Variants in NCAM1 observed in about 807,000 individuals in gnomAD.
NCAM1 encodes antigen recognized by monoclonal antibody 5.1H11.
Under a neutral mutation model 109.8 loss-of-function variants are expected in NCAM1, and 14 were observed. The observed-to-expected ratio is 0.13, with a 90% CI of 0.08 to 0.20. The LOEUF is 0.20. Among genes scored for constraint, NCAM1 ranks in the 10% least tolerant of loss-of-function variants. NCAM1 has a pLI of 1.00. For missense variants in NCAM1, 774 were observed against 1,109.9 expected, an observed-to-expected ratio of 0.70 and a Z score of 4.30; for synonymous variants, 418 against 442.9, an observed-to-expected ratio of 0.94 and a Z score of 0.70.
intron 1 of NCAM1, among the ~76,000 whole-genome samples, chr11:113,173,908 G>C (rs573641413): frequency 6.6e-6 from 1 of 151,862 alleles, no homozygotes; most frequent in African/African-American, 2.4e-5. Context: ...GTTGCTTCTA[G>C]CTAGCTCAAT....
At chr11:113,084,674 C>T (rs1938997665) in intron 1 of NCAM1, among the ~76,000 whole-genome samples, 1 of 152,206 alleles carries the variant, frequency 6.6e-6, no homozygotes, top group African/African-American at 2.4e-5. Flanking sequence ...CACTTGGTGA[C>T]AAGGTTATCC....
intron 1 of NCAM1, among the ~76,000 whole-genome samples, chr11:112,966,294 A>T (rs1281669955): frequency 6.6e-6 from 1 of 152,336 alleles, no homozygotes; most frequent in South Asian, 2.1e-4. Flanking sequence ...CCTTTGGTTA[A>T]AAAGAAAGAA....
intron 1 of NCAM1, among the ~76,000 whole-genome samples, chr11:113,141,578 G>A (rs889953220): frequency 1.3e-5 from 2 of 152,338 alleles, no homozygotes; most frequent in Non-Finnish European, 2.9e-5. Context: ...GAACCCAGGC[G>A]GTGGAGGTTG....
intron 1 of NCAM1, among the ~76,000 whole-genome samples, chr11:113,149,506 G>C (rs1163407984): frequency 6.6e-6 from 1 of 152,170 alleles, no homozygotes; most frequent in Non-Finnish European, 1.5e-5. Flanking sequence ...CAGAAGGGCT[G>C]GTGGCTGAGT....
intron 1 of NCAM1, among the ~76,000 whole-genome samples, chr11:113,178,613 T>C (rs562663809): frequency 6.6e-6 from 1 of 152,196 alleles, no homozygotes; most frequent in African/African-American, 2.4e-5. Flanking sequence ...CAGCCTGGTT[T>C]CTGGCAGATG....
chr11:113,264,377 AG>A (rs1555124016), intron 17 of NCAM1: 1 of 985,260 alleles, frequency 1.0e-6, no homozygotes, highest in Admixed American at 6.1e-5. Flanking sequence ...CTCAGTTTAG[AG>A]GCTCACGTGC....
intron 8 of NCAM1, among the ~76,000 whole-genome samples, chr11:113,220,306 G>T (rs1187183761): frequency 1.3e-5 from 2 of 152,132 alleles, no homozygotes; most frequent in Non-Finnish European, 2.9e-5. Context: ...GGTACATGCT[G>T]GAGTCCACAT....
At chr11:113,001,677 T>G (rs1465521193) in intron 1 of NCAM1, among the ~76,000 whole-genome samples, 4 of 152,168 alleles carry the variant, frequency 2.6e-5, no homozygotes, top group African/African-American at 9.6e-5. Context: ...CATTTGCCAT[T>G]GTAGGCCGAA....
chr11:113,057,299 T>G lies in NCAM1; in HGVS notation c.52+95635T>G, dbSNP rs532743552. 4.4e-4 allele frequency among the ~76,000 whole-genome samples: 66 copies of G among 151,614 alleles called. 1 individual carries two copies. Among genetic ancestry groups the G allele is most frequent in the African/African-American group, 1.5e-3 (61 of 41,320 alleles). On this transcript the variant is annotated intron_variant, in intron 1 of 19. Transcript: ENST00000316851. ...GAGGGGACAACATTGGCAAAGGCAT[T>G]GAGGTTCTGGGAACTGCCAGCAATG...
Position 113,172,919 on chromosome 11 carries a change from C to G in NCAM1, c.53-29460C>G, listed in dbSNP as rs181311526. Among the ~76,000 whole-genome samples, 128 of 152,306 alleles carry G rather than the reference C, an allele frequency of 8.4e-4. 1 individual carries two copies. The highest frequency in any genetic ancestry group is 1.4e-3 in the Admixed American group (21 of 15,302). ...TTTGAAGGCTTAATCTGGGATCGAA[C>G]TGAGATGCAAATGATGTCGAATAGT... On this transcript the variant is annotated intron_variant, in intron 1 of 19. Transcript: ENST00000316851.
At chr11:113,024,318 C>T (rs1394740457) in intron 1 of NCAM1, among the ~76,000 whole-genome samples, 1 of 152,208 alleles carries the variant, frequency 6.6e-6, no homozygotes, top group South Asian at 2.1e-4. Flanking sequence ...AACAGGCAAA[C>T]TTCCATTCCA....
intron 1 of NCAM1, among the ~76,000 whole-genome samples, chr11:112,996,492 T>A (rs1470598713): frequency 1.3e-5 from 2 of 152,230 alleles, no homozygotes; most frequent in Non-Finnish European, 2.9e-5. Flanking sequence ...TAAATTGGCT[T>A]GTTTCTAATT....
chr11:113,199,561 G>A (rs17115119), intron 1 of NCAM1, among the ~76,000 whole-genome samples: 3,680 of 146,940 alleles, frequency 0.025, 88 homozygotes, highest in East Asian at 0.078. Context: ...AAGGCCAGGC[G>A]TCTAAATGGA....
chr11:113,111,595 T>C (rs1432772555), intron 1 of NCAM1, among the ~76,000 whole-genome samples: 2 of 152,216 alleles, frequency 1.3e-5, no homozygotes, highest in Admixed American at 1.3e-4. Flanking sequence ...TGTGGTTATA[T>C]GACTGTATAC....
intron 19 of NCAM1, chr11:113,272,868 T>A: frequency 2.2e-6 from 1 of 454,380 alleles, no homozygotes; most frequent in Non-Finnish European, 4.4e-6. Flanking sequence ...TCAGCCCTCC[T>A]CCTCGCTTCT....
At chr11:113,246,435 T>A in intron 15 of NCAM1, 65 bp downstream of exon 15, 2 of 711,010 alleles carry the variant, frequency 2.8e-6, no homozygotes, top group Non-Finnish European at 5.1e-6. Context: ...TAGGGCACAC[T>A]CATTTCTTCC....
chr11:113,195,798 G>A (rs1208668419), intron 1 of NCAM1, among the ~76,000 whole-genome samples: 1 of 151,678 alleles, frequency 6.6e-6, no homozygotes, highest in East Asian at 1.9e-4. Context: ...GAGCCACCGC[G>A]CCTGGCCACC....
chr11:113,167,252 G>T (rs1942834321), intron 1 of NCAM1, among the ~76,000 whole-genome samples: 1 of 152,166 alleles, frequency 6.6e-6, no homozygotes, highest in Non-Finnish European at 1.5e-5. Flanking sequence ...AATGTCCTTT[G>T]TATGTATATA....
chr11:113,042,296 C>T (rs1307589499), intron 1 of NCAM1, among the ~76,000 whole-genome samples: 5 of 152,186 alleles, frequency 3.3e-5, no homozygotes, highest in Admixed American at 6.5e-5. Context: ...CTGCCCCTGC[C>T]GCAGCCTTTC....
Sources: allele counts gnomAD v4.1 joint callset (sites outside exome capture counted in the v4.1 genomes callset), GRCh38; gene constraint gnomAD v4.1.1; transcripts MANE v1.5; gene names NCBI Gene and HGNC (gene_info 2026-07-23, HGNC 2026-07-21).